CSMD2: variants seen among roughly 807,000 people sequenced by gnomAD.
CSMD2 encodes the protein CUB and Sushi multiple domains 2, also known as CUB and sushi domain-containing protein 2.
A neutral mutation model predicts 398.5 loss-of-function variants in CSMD2; 130 were observed. The ratio of observed to expected loss-of-function variants is 0.33; its 90% CI spans 0.28 to 0.38. The LOEUF (loss-of-function observed/expected upper bound fraction) is 0.38. Ranked by LOEUF, CSMD2 falls within the 10% of genes least tolerant of loss-of-function variation. The pLI is 1.00. For missense variants in CSMD2, 3,829 were observed against 4,764.9 expected (o/e 0.80, Z 5.78); for synonymous variants, 1,828 against 1,908.5 (o/e 0.96, Z 1.10).
intron 68 of CSMD2, among the ~76,000 whole-genome samples, chr1:33,520,195 T>C (rs570596456): frequency 6.6e-6 from 1 of 152,312 alleles, no homozygotes; most frequent in South Asian, 2.1e-4. Context: ...CAGAGGACCA[T>C]CCGCAGAGGA....
intron 36 of CSMD2, 150 bp from the exon 37 acceptor site, chr1:33,622,421 T>A (rs1174282331): frequency 6.3e-6 from 4 of 635,476 alleles, no homozygotes; most frequent in Admixed American, 4.9e-5. Context: ...AAATGACAAA[T>A]TAGCACTCCT....
intron 22 of CSMD2, among the ~76,000 whole-genome samples, chr1:33,700,898 T>C (rs1645591074): frequency 6.6e-6 from 1 of 152,214 alleles, no homozygotes; most frequent in Admixed American, 6.5e-5. Flanking sequence ...ATCTTTAGTG[T>C]GAATCTAGTC....
intron 5 of CSMD2, among the ~76,000 whole-genome samples, chr1:33,897,686 C>T (rs1642480544): frequency 6.6e-6 from 1 of 152,210 alleles, no homozygotes; most frequent in South Asian, 2.1e-4. Context: ...CACCCAGGCA[C>T]TACCAGGGAC....
chr1:33,993,810 C>A (rs932276614), intron 3 of CSMD2, among the ~76,000 whole-genome samples: 1 of 152,130 alleles, frequency 6.6e-6, no homozygotes, highest in African/African-American at 2.4e-5. Context: ...CCTAGACCCC[C>A]TTGGAAATAT....
At chr1:33,971,621 G>A (rs1480216320) in intron 3 of CSMD2, among the ~76,000 whole-genome samples, 4 of 152,234 alleles carry the variant, frequency 2.6e-5, no homozygotes, top group East Asian at 1.9e-4. Context: ...GGTTTTCCCC[G>A]TGGAGCCCAG....
intron 15 of CSMD2, among the ~76,000 whole-genome samples, chr1:33,727,367 C>T (rs1295101471): frequency 1.3e-5 from 2 of 152,142 alleles, no homozygotes; most frequent in Non-Finnish European, 2.9e-5. Flanking sequence ...ATGCCTCTGT[C>T]CACATGTCCC....
At chr1:33,727,387 T>G (rs1011000065) in intron 15 of CSMD2, among the ~76,000 whole-genome samples, 1 of 152,218 alleles carries the variant, frequency 6.6e-6, no homozygotes, top group Non-Finnish European at 1.5e-5. Flanking sequence ...CATCCTGGGC[T>G]TCCCCATTCT....
chr1:33,962,911 C>T (rs999530924), intron 3 of CSMD2, among the ~76,000 whole-genome samples: 3 of 152,220 alleles, frequency 2.0e-5, no homozygotes, highest in Non-Finnish European at 4.4e-5. Context: ...CTCTGGAATG[C>T]AAACTCATGA....
At chr1:33,765,595 AC>A (rs1375422336) in intron 13 of CSMD2, among the ~76,000 whole-genome samples, 3 of 152,248 alleles carry the variant, frequency 2.0e-5, no homozygotes, top group African/African-American at 7.2e-5. Flanking sequence ...CAAATTACTG[AC>A]AAATAACCAA....
intron 12 of CSMD2, among the ~76,000 whole-genome samples, chr1:33,783,431 TTCTCTC>T (rs55769634): frequency 0.049 from 6,644 of 135,082 alleles, 199 homozygotes; most frequent in African/African-American, 0.096. Context: ...CATTCTCTCA[TTCTCTC>T]TCTCTCTCTC....
At position 33,571,566 on chromosome 1, in the gene CSMD2, T is replaced by C. The variant is rs752678864; in HGVS notation, c.7923A>G (p.Lys2641=). 3 of 1,524,812 alleles carry C rather than the reference T, an allele frequency of 2.0e-6. No individual in the cohort carries two copies. The highest frequency in any genetic ancestry group is 2.7e-6 in the Non-Finnish European group (3 of 1,122,130). 94.5% of individuals were successfully genotyped at this position (1,524,812 alleles called of 1,614,324 possible). A position where few individuals can be genotyped will look rare whatever the true frequency, so the allele number is the denominator to read the frequency against. The part of the protein sequence containing the change: ...QRVIRCQANG[K]WSLGDSTPTC... ...TGGGCGTAGAGTCCCCGAGGCTCCA[T>C]TTGCCATTGGCCTGACAGCGGATGA... Residue 2641 remains lysine (K), a synonymous_variant, in exon 51 of 71, where the codon AAA becomes AAG. Coordinates refer to ENST00000373381, the MANE Select transcript of CSMD2 (RefSeq NM_001281956.2).
intron 3 of CSMD2, among the ~76,000 whole-genome samples, chr1:33,972,597 G>C (rs1193325604): frequency 6.6e-6 from 1 of 152,148 alleles, no homozygotes; most frequent in Non-Finnish European, 1.5e-5. Flanking sequence ...TAGGAGATCA[G>C]AGTGACGGGA....
rs537554143 is a variant in CSMD2, at chr1:34,135,779, T to C, written c.187+29132A>G. Among the ~76,000 whole-genome samples the C allele has an allele frequency of 6.6e-5, 10 of 152,148 alleles. 1 individual carries two copies. The highest frequency in any genetic ancestry group is 2.2e-4 in the African/African-American group (9 of 41,546). ...GAGAAAAAAGCATGTTACAGAGTAA[T>C]GTATATGATATATCTACAATGATCC... On this transcript the variant is annotated intron_variant, in intron 1 of 70. Transcript: ENST00000373381.
At chr1:33,773,812 A>G (rs573741938) in intron 12 of CSMD2, among the ~76,000 whole-genome samples, 1 of 152,274 alleles carries the variant, frequency 6.6e-6, no homozygotes, top group Admixed American at 6.5e-5. Context: ...GCCCAGAGTC[A>G]TCAGGGGAGT....
chr1:33,743,288 G>T lies in CSMD2; in HGVS notation c.2165C>A (p.Thr722Asn), dbSNP rs1647145438. ...HSTGKRGFNI[T>N]FTTFRHNECP... ...ACAGAGGGAGGACTCACTGGTAAAA[G>T]TGATGTTGAAGCCCCTCTTCCCTGT... The change falls in exon 14 of 71, where the codon ACT becomes AAT. Residue 722 changes from threonine (T) to asparagine (N), a missense_variant. Physicochemically the swap from Thr to Asn is moderately conservative, Grantham distance 65. Around this residue, in one of 5 missense-constraint regions of CSMD2, gnomAD observed 2,001 missense variants for 2,567.1 expected, o/e 0.78. Transcript: ENST00000373381. The T allele has an allele frequency of 6.2e-7, 1 of 1,601,270 alleles. No individual in the cohort carries two copies. Among genetic ancestry groups the T allele is most frequent in the African/African-American group, 1.3e-5 (1 of 74,646 alleles).
At chr1:33,616,039 G>A (rs1432022852) in intron 39 of CSMD2, among the ~76,000 whole-genome samples, 1 of 152,194 alleles carries the variant, frequency 6.6e-6, no homozygotes, top group East Asian at 1.9e-4. Context: ...GAAATATGAA[G>A]CTCCATGCCT....
intron 1 of CSMD2, among the ~76,000 whole-genome samples, chr1:34,130,011 C>T (rs1663168599): frequency 1.3e-5 from 2 of 152,140 alleles, no homozygotes; most frequent in Admixed American, 1.3e-4. Flanking sequence ...ACATGAGACT[C>T]CAGGCCCTGG....
In CSMD2 at chr1:33,663,020, G is replaced by A. The variant is rs191280083; in HGVS notation, c.4125C>T (p.Ser1375=). 3.6e-5 allele frequency: 58 copies of A among 1,614,136 alleles called. No homozygotes were observed. Among genetic ancestry groups the A allele is most frequent in the Non-Finnish European group, 4.7e-5 (55 of 1,179,998 alleles). ...CACTCAGCTCCTTCAGCAGAACCCCGCTCTCCACAGGCCCATCCCAGATGC... is the reference window on the plus strand; with the variant it reads ...CACTCAGCTCCTTCAGCAGAACCCCACTCTCCACAGGCCCATCCCAGATGC... ...VLRIWDGPVE[S]GVLLKELSGP... The change falls in exon 26 of 71, where the codon AGC becomes AGT. Residue 1375 remains serine (S), a synonymous_variant. Transcript: ENST00000373381.
intron 4 of CSMD2, among the ~76,000 whole-genome samples, chr1:33,924,966 T>G (rs920851102): frequency 2.6e-5 from 4 of 152,212 alleles, no homozygotes; most frequent in African/African-American, 9.6e-5. Flanking sequence ...CTCAGATGAA[T>G]AGCTTGCAAA....
Sources: gnomAD v4.1 joint callset for allele counts (sites outside exome capture counted in the v4.1 genomes callset) on GRCh38, gnomAD v4.1.1 for gene constraint, gnomAD v4.1.1 regional missense constraint, MANE v1.5 for transcripts, NCBI Gene and HGNC (gene_info 2026-07-23, HGNC 2026-07-21) for gene names.